Variants in PTX4 observed in about 807,000 individuals in gnomAD.
The protein encoded by PTX4 is pentraxin 4.
Under a neutral mutation model 19.1 loss-of-function variants are expected in PTX4, and 23 were observed. The ratio of observed to expected loss-of-function variants is 1.20; its 90% CI spans 0.87 to 1.70. PTX4 has a LOEUF of 1.70. Among genes scored for constraint, PTX4 ranks in the 40% most tolerant of loss-of-function variants. The pLI, the probability that PTX4 is intolerant of heterozygous loss-of-function variation, is 0.00. For synonymous variants in PTX4, 317 were observed against 279.6 expected, an observed-to-expected ratio of 1.13 and a Z score of -1.33; for missense variants, 678 against 610.5, an observed-to-expected ratio of 1.11 and a Z score of -1.17.
rs1387404936 is a variant in PTX4 at position 1,487,916 on chromosome 16, A to C, written c.196T>G (p.Tyr66Asp). ...WTHLQNIASN[Y>D]NVSYNVDVRF... ...ACGTCAACGTTGTAGGACACGTTGT[A>C]GTTGCTGGCGATGTTCTGCAGGTGT... Residue 66 changes from tyrosine to aspartate, a missense_variant, in exon 2 of 3, where the codon TAC becomes GAC. Tyr to Asp is a radical substitution (Grantham distance 160, BLOSUM62 -3). Transcript: ENST00000447419. 1.2e-6 allele frequency: 2 copies of C among 1,609,260 alleles called. No homozygotes were observed.
Position 1,486,411 on chromosome 16 carries a change from T to C in PTX4, c.965A>G (p.Asp322Gly), listed in dbSNP as rs144925024. Residue 322 changes from aspartate (D) to glycine (G), a missense_variant, in exon 3 of 3, where the codon GAC (aspartate) becomes GGC (glycine). Asp to Gly is a moderately conservative substitution (Grantham distance 94, BLOSUM62 -1). Coordinates refer to ENST00000447419, the MANE Select transcript of PTX4 (RefSeq NM_001328608.2). ...TLLSYATEDN[D>G]NKLVLHGRDS... ...TCGGCCGTGCAGCACCAGCTTGTTGTCATTGTCCTCGGTGGCGTAGGACAG... is the reference window on the plus strand; with the variant it reads ...TCGGCCGTGCAGCACCAGCTTGTTGCCATTGTCCTCGGTGGCGTAGGACAG... 8.8e-4 allele frequency: 1,421 copies of C among 1,614,010 alleles called. 14 individuals carry two copies. The African/African-American group carries it at 0.017, about 19-fold the overall frequency.
At position 1,487,541 on chromosome 16, in the gene PTX4, G is replaced by C; in HGVS notation, c.571C>G (p.Pro191Ala). ...AGCTCCTCAGGCTGGGTTGGGGTTG[G>C]GACCAGGGCCGGCCCGAGGGCTGCA... ...GTAALGPALV[P>A]TPTQPEELGP... The change falls in exon 2 of 3, where the codon CCA becomes GCA. Residue 191 changes from proline to alanine, a missense_variant. Pro to Ala is a conservative substitution (Grantham distance 27, BLOSUM62 -1). Coordinates refer to ENST00000447419, the MANE Select transcript of PTX4 (RefSeq NM_001328608.2). 2.0e-6 allele frequency: 3 copies of C among 1,519,814 alleles called. No individual in the cohort carries two copies. The highest frequency in any genetic ancestry group is 2.6e-6 in the Non-Finnish European group (3 of 1,134,948). The allele number at this position is 1,519,814 out of a possible 1,614,324, so 94.1% of individuals were successfully genotyped here.
At chr16:1,488,300 G>A (rs1315525733) in intron 1 of PTX4, 3 of 1,598,322 alleles carry the variant, frequency 1.9e-6, no homozygotes, top group African/African-American at 1.3e-5. Context: ...GGGACGGCAG[G>A]GTGGCCTCAT....
rs540161975 is a variant in PTX4, at chr16:1,486,175, G to A, written c.1201C>T (p.Leu401Phe). The change falls in exon 3 of 3, where the codon CTC (leucine) becomes TTC (phenylalanine). Residue 401 changes from leucine to phenylalanine, a missense_variant. Physicochemically the swap from Leu to Phe is conservative, Grantham distance 22. Transcript: ENST00000447419. ...EGYEIPPGGS[L>F]VLGQEQDSVG... ...CTGTCTTGTTCCTGGCCCAGCACGA[G>A]GGACCCTCCGGGGGGGATCTCATAG... 3.1e-6 allele frequency: 5 copies of A among 1,613,982 alleles called. No homozygotes were observed. The Admixed American group carries it at 5.0e-5, about 16-fold the overall frequency.
chr16:1,487,089 C>T (rs1419891372), intron 2 of PTX4, among the ~76,000 whole-genome samples: 2 of 152,172 alleles, frequency 1.3e-5, no homozygotes, highest in Admixed American at 6.5e-5. Flanking sequence ...CTGTGCATCC[C>T]GCCACCTCTG....
intron 2 of PTX4, 109 bp downstream of exon 2, chr16:1,487,207 T>C: frequency 1.8e-6 from 2 of 1,093,298 alleles, no homozygotes; most frequent in Non-Finnish European, 2.4e-6. Context: ...CCTCTCCCCA[T>C]CTCCCGGCCC....
In PTX4 at chr16:1,486,544, C is replaced by G. The variant is rs148493506; in HGVS notation, c.832G>C (p.Ala278Pro). Residue 278 changes from alanine (A) to proline (P), a missense_variant, in exon 3 of 3, where the codon GCC becomes CCC. Transcript: ENST00000447419. ...AGGAAGACCACGTTCCTGGTGGAGG[C>G]GTTTGGGAAAACGAGGGTGGGGCCC... ...GVGPTLVFPNASTRNVVFLSP... is the reference protein window; with the variant it reads ...GVGPTLVFPNPSTRNVVFLSP... 3 of 1,563,182 alleles carry G rather than the reference C, an allele frequency of 1.9e-6. No homozygotes were observed. The highest frequency in any genetic ancestry group is 2.6e-6 in the Non-Finnish European group (3 of 1,156,550).
chr16:1,487,334 G>A lies in PTX4; in HGVS notation c.778C>T (p.Pro260Ser). ...PKDPRQQAWS[P>S]QVPGEICGVG... The stretch of plus-strand genomic sequence containing the variant: ...TACTTACTCTCTCCTGGCACCTGGG[G>A]GGACCATGCCTGCTGCCGAGGGTCT... Residue 260 changes from proline (P) to serine (S), a missense_variant, in exon 2 of 3, where the codon CCC becomes TCC. Physicochemically the swap from Pro to Ser is moderately conservative, Grantham distance 74. Transcript: ENST00000447419. 6.4e-7 allele frequency: 1 copy of A among 1,550,692 alleles called. No individual in the cohort carries two copies. The highest frequency in any genetic ancestry group is 8.7e-7 in the Non-Finnish European group (1 of 1,154,698).
chr16:1,487,384 C>T lies in PTX4; in HGVS notation c.728G>A (p.Arg243Gln), dbSNP rs751288327. The change falls in exon 2 of 3, where the codon CGG becomes CAG. Residue 243 changes from arginine (R) to glutamine (Q), a missense_variant. Transcript: ENST00000447419. The stretch of plus-strand genomic sequence containing the variant: ...TTTTGGGGCAGTCCCACTGAGTACC[C>T]GATGGCTGCCTGAGGCTGGAGGCTC... ...RREPPASGSHRVLSGTAPKDP... is the reference protein window; with the variant it reads ...RREPPASGSHQVLSGTAPKDP... The T allele has an allele frequency of 2.6e-6, 4 of 1,551,310 alleles. No individual in the cohort carries two copies. Among genetic ancestry groups the T allele is most frequent in the East Asian group, 4.6e-5 (2 of 43,332 alleles).
Position 1,487,552 on chromosome 16 carries a change from G to A in PTX4, c.560C>T (p.Pro187Leu), listed in dbSNP as rs1482867713. Residue 187 changes from proline (P) to leucine (L), a missense_variant, in exon 2 of 3, where the codon CCG becomes CTG. Transcript: ENST00000447419. ...VAHPGTAALGPALVPTPTQPE... is the reference protein window; with the variant it reads ...VAHPGTAALGLALVPTPTQPE... The stretch of plus-strand genomic sequence containing the variant: ...CTGGGTTGGGGTTGGGACCAGGGCC[G>A]GCCCGAGGGCTGCAGTGCCAGGGTG... 5.0e-5 allele frequency: 77 copies of A among 1,527,436 alleles called. No individual in the cohort carries two copies. Among genetic ancestry groups the A allele is most frequent in the Admixed American group, 6.3e-5 (3 of 47,708 alleles). 94.6% of individuals were successfully genotyped at this position (1,527,436 alleles called of 1,614,324 possible). A position where few individuals can be genotyped will look rare whatever the true frequency, so the allele number is the denominator to read the frequency against.
intron 1 of PTX4, chr16:1,488,258 C>A: frequency 1.9e-6 from 3 of 1,554,884 alleles, no homozygotes; most frequent in Non-Finnish European, 2.6e-6. Context: ...AAGTCACTTT[C>A]CCTCGTGATT....
Position 1,486,024 on chromosome 16 carries a change from C to G in PTX4, c.1352G>C (p.Gly451Ala), listed in dbSNP as rs985754551. Residue 451 changes from glycine to alanine, a missense_variant, in exon 3 of 3, where the codon GGT (glycine) becomes GCT (alanine). Gly to Ala is a moderately conservative substitution (Grantham distance 60). Coordinates refer to ENST00000447419, the MANE Select transcript of PTX4 (RefSeq NM_001328608.2). ...AGCATTGGCCAGCGTCAGGATGGCA[C>G]CTGTCGGGAACTCTTTCCCGATGGC... Reference protein sequence around the residue: ...NLAIGKEFPTGAILTLANAAL... With the variant: ...NLAIGKEFPTAAILTLANAAL... The G allele has an allele frequency of 1.9e-6, 3 of 1,614,064 alleles. No homozygotes were observed. Among genetic ancestry groups the G allele is most frequent in the Non-Finnish European group, 2.5e-6 (3 of 1,180,010 alleles).
In PTX4 at chr16:1,486,492, C is replaced by T. The variant is rs143075390; in HGVS notation, c.884G>A (p.Arg295Gln). ...GACCCAGCTGCAGAAGGACAGGGCTCGCAGGGCAGTGACGAAACCAGGGCT... is the reference window on the plus strand; with the variant it reads ...GACCCAGCTGCAGAAGGACAGGGCTTGCAGGGCAGTGACGAAACCAGGGCT... Reference protein sequence around the residue: ...FLSPGFVTALRALSFCSWVRT... With the variant: ...FLSPGFVTALQALSFCSWVRT... The change falls in exon 3 of 3, where the codon CGA (arginine) becomes CAA (glutamine). Residue 295 changes from arginine to glutamine, a missense_variant. Arg to Gln is a conservative substitution (Grantham distance 43). Coordinates refer to ENST00000447419, the MANE Select transcript of PTX4 (RefSeq NM_001328608.2). The T allele has an allele frequency of 8.7e-6, 14 of 1,611,050 alleles. No individual in the cohort carries two copies. Among genetic ancestry groups the T allele is most frequent in the East Asian group, 4.5e-5 (2 of 44,868 alleles).
intron 2 of PTX4, among the ~76,000 whole-genome samples, chr16:1,487,073 C>T (rs1284713324): frequency 6.6e-6 from 1 of 152,210 alleles, no homozygotes; most frequent in Non-Finnish European, 1.5e-5. Context: ...CGTGGGGCCT[C>T]CTCGTCTGTG....
chr16:1,488,216 T>C, intron 1 of PTX4: 1 of 1,392,070 alleles, frequency 7.2e-7, no homozygotes, highest in Non-Finnish European at 9.8e-7. Flanking sequence ...GCTGGGGCTC[T>C]GATCCCCACC....
chr16:1,487,824 C>A lies in PTX4; in HGVS notation c.288G>T (p.Ser96=), dbSNP rs142629286. ...VAQAVNRSQA[S]VQGELAQLKA... ...TGAGCTGCGCCAGCTCCCCCTGCAC[C>A]GAGGCCTGTGACCGGTTGACTGCCT... The change falls in exon 2 of 3, where the codon TCG becomes TCT. Residue 96 remains serine, a synonymous_variant. Coordinates refer to ENST00000447419, the MANE Select transcript of PTX4 (RefSeq NM_001328608.2). 1 of 1,613,152 alleles carries A rather than the reference C, an allele frequency of 6.2e-7. No homozygotes were observed. Among genetic ancestry groups the A allele is most frequent in the Non-Finnish European group, 8.5e-7 (1 of 1,179,934 alleles).
chr16:1,488,043 C>A, intron 1 of PTX4, 73 bp from the exon 2 acceptor site: 1 of 1,457,654 alleles, frequency 6.9e-7, no homozygotes, highest in Non-Finnish European at 9.2e-7. Context: ...AGGCTTTGCC[C>A]TCTCAAGTTG....
Position 1,487,538 on chromosome 16 carries a change from T to C in PTX4, c.574A>G (p.Thr192Ala). The change falls in exon 2 of 3, where the codon ACC (threonine) becomes GCC (alanine). Residue 192 changes from threonine to alanine, a missense_variant. Thr to Ala is a moderately conservative substitution (Grantham distance 58). Coordinates refer to ENST00000447419, the MANE Select transcript of PTX4 (RefSeq NM_001328608.2). Reference sequence around the variant, plus strand: ...CCCAGCTCCTCAGGCTGGGTTGGGGTTGGGACCAGGGCCGGCCCGAGGGCT... The same window carrying C: ...CCCAGCTCCTCAGGCTGGGTTGGGGCTGGGACCAGGGCCGGCCCGAGGGCT... ...TAALGPALVPTPTQPEELGPT... is the reference protein window; with the variant it reads ...TAALGPALVPAPTQPEELGPT... The C allele has an allele frequency of 5.3e-6, 8 of 1,518,628 alleles. No homozygotes were observed. Among genetic ancestry groups the C allele is most frequent in the Non-Finnish European group, 7.1e-6 (8 of 1,134,478 alleles). The allele number at this position is 1,518,628 out of a possible 1,614,324, so 94.1% of individuals were successfully genotyped here.
At chr16:1,486,704 G>T in intron 2 of PTX4, 125 bp from the exon 3 acceptor site, 1 of 1,013,448 alleles carries the variant, frequency 9.9e-7, no homozygotes, top group Non-Finnish European at 1.4e-6. Flanking sequence ...CACTGACTCT[G>T]CGCTGGCCCT....
Sources: allele counts gnomAD v4.1 joint callset (sites outside exome capture counted in the v4.1 genomes callset), GRCh38; gene constraint gnomAD v4.1.1; transcripts MANE v1.5; gene names NCBI Gene and HGNC (gene_info 2026-07-23, HGNC 2026-07-21).